The following SLC2A13 variants were observed in gnomAD, a reference collection of about 807,000 sequenced individuals.
The protein encoded by SLC2A13 is proton myo-inositol cotransporter.
Under a neutral mutation model 64.4 loss-of-function variants are expected in SLC2A13, and 32 were observed. That is an observed-to-expected ratio of 0.50 (90% CI 0.37 to 0.67). The LOEUF is 0.67. Among genes scored for constraint, SLC2A13 ranks in the 30% least tolerant of loss-of-function variants. SLC2A13 has a pLI of 0.00. For synonymous variants in SLC2A13, 338 were observed against 327.1 expected, an observed-to-expected ratio of 1.03 and a Z score of -0.36; for missense variants, 743 against 829.2, an observed-to-expected ratio of 0.90 and a Z score of 1.28.
intron 1 of SLC2A13, among the ~76,000 whole-genome samples, chr12:40,081,149 T>C (rs1045711197): frequency 2.0e-5 from 3 of 152,210 alleles, no homozygotes; most frequent in African/African-American, 2.4e-5. Context: ...TTCTTTCACA[T>C]TGACTTTGGA....
In SLC2A13 at chr12:39,755,143, T is replaced by TA. The variant is rs1470587402; in HGVS notation, c.*4882dup. The TA allele has an allele frequency of 6.6e-6, 1 of 152,010 alleles. No individual in the cohort carries two copies. The highest frequency in any genetic ancestry group is 3.2e-3 in the Middle Eastern group (1 of 316). The allele number at this position is 152,010 out of a possible 1,614,324, so 9.4% of individuals were successfully genotyped here. ...AAGATTGAACTTCAATAAAATAACT[T>TA]AAAAAACATTTACATGTATATCACT... On this transcript the variant is annotated 3_prime_UTR_variant, in exon 10 of 10. Transcript: ENST00000280871.
At chr12:39,938,511 A>G (rs377089600) in intron 4 of SLC2A13, among the ~76,000 whole-genome samples, 244 of 6,844 alleles carry the variant, frequency 0.036, 4 homozygotes, top group African/African-American at 0.074. Flanking sequence ...AGGCATAAAT[A>G]CATACATACA....
At chr12:39,862,033 C>T (rs1025785152) in intron 6 of SLC2A13, among the ~76,000 whole-genome samples, 1 of 152,172 alleles carries the variant, frequency 6.6e-6, no homozygotes, top group Non-Finnish European at 1.5e-5. Flanking sequence ...CCTTCCCCCA[C>T]CACTGCCCCC....
chr12:39,884,882 G>C (rs1483574763), intron 4 of SLC2A13, among the ~76,000 whole-genome samples: 9 of 152,186 alleles, frequency 5.9e-5, no homozygotes, highest in Admixed American at 5.2e-4. Context: ...GCTAGAGAAA[G>C]CATTTAAAAT....
intron 7 of SLC2A13, among the ~76,000 whole-genome samples, chr12:39,816,193 T>A (rs1348404573): frequency 2.0e-5 from 3 of 152,192 alleles, no homozygotes; most frequent in Non-Finnish European, 4.4e-5. Flanking sequence ...ACGCTAGTTA[T>A]GATTCTCAAA....
intron 3 of SLC2A13, among the ~76,000 whole-genome samples, chr12:39,996,672 A>G (rs984552003): frequency 6.6e-6 from 1 of 152,232 alleles, no homozygotes; most frequent in African/African-American, 2.4e-5. Flanking sequence ...AGGGGCCAAC[A>G]TAGAGTTCGG....
At chr12:39,777,902 T>C (rs532093136) in intron 7 of SLC2A13, among the ~76,000 whole-genome samples, 1 of 152,316 alleles carries the variant, frequency 6.6e-6, no homozygotes, top group South Asian at 2.1e-4. Context: ...ATCCCTAGGA[T>C]ACAGAAAGCC....
intron 7 of SLC2A13, among the ~76,000 whole-genome samples, chr12:39,767,688 T>C (rs1041675703): frequency 2.6e-5 from 4 of 152,092 alleles, no homozygotes; most frequent in Non-Finnish European, 4.4e-5. Context: ...AATCTCATTT[T>C]GAATTGTAGT....
At chr12:39,909,859 GTT>G (rs568950500) in intron 4 of SLC2A13, among the ~76,000 whole-genome samples, 4 of 132,368 alleles carry the variant, frequency 3.0e-5, no homozygotes, top group Non-Finnish European at 1.6e-5. Flanking sequence ...CTTACAGTTT[GTT>G]TTTTTTTTTT....
intron 4 of SLC2A13, among the ~76,000 whole-genome samples, chr12:39,912,435 T>C (rs912852384): frequency 3.3e-5 from 5 of 152,176 alleles, no homozygotes; most frequent in African/African-American, 1.2e-4. Flanking sequence ...TTGGCAGTTT[T>C]CAGAACCAAA....
At chr12:40,036,446 A>T (rs1380672061) in intron 2 of SLC2A13, among the ~76,000 whole-genome samples, 1 of 152,246 alleles carries the variant, frequency 6.6e-6, no homozygotes, top group Admixed American at 6.5e-5. Flanking sequence ...CCATAATTCC[A>T]GGAAGTTCTG....
rs771560968 is a variant in SLC2A13, at chr12:39,780,315, G to GAT, written c.1446-15459_1446-15458dup. Among the ~76,000 whole-genome samples, 21 of 152,122 alleles carry GAT rather than the reference G, an allele frequency of 1.4e-4. No homozygotes were observed. In the East Asian group the frequency reaches 4.1e-3, roughly 29 times the overall value. On this transcript the variant is annotated intron_variant, in intron 7 of 9. Transcript: ENST00000280871. ...TCAACATAATCATCTTACCAGTTCAGATATATATATGGAAACCTCTCTTGA... is the reference window on the plus strand; with the variant it reads ...TCAACATAATCATCTTACCAGTTCAGATATATATATATGGAAACCTCTCTTGA...
intron 4 of SLC2A13, among the ~76,000 whole-genome samples, chr12:39,896,232 A>G (rs1485997166): frequency 1.5e-5 from 2 of 134,570 alleles, no homozygotes; most frequent in Non-Finnish European, 1.6e-5. Flanking sequence ...ATATATGCAT[A>G]TGTGTATATA....
At chr12:40,018,347 G>A (rs1947654752) in intron 3 of SLC2A13, among the ~76,000 whole-genome samples, 1 of 152,080 alleles carries the variant, frequency 6.6e-6, no homozygotes, top group Non-Finnish European at 1.5e-5. Context: ...ACAACCCCTA[G>A]GATAATGCAT....
At chr12:39,769,380 G>A (rs542788154) in intron 7 of SLC2A13, among the ~76,000 whole-genome samples, 1 of 152,098 alleles carries the variant, frequency 6.6e-6, no homozygotes, top group South Asian at 2.1e-4. Context: ...TGCTTTGTAG[G>A]ACTTGATACA....
chr12:39,785,349 A>C (rs1395211565), intron 7 of SLC2A13, among the ~76,000 whole-genome samples: 2 of 152,206 alleles, frequency 1.3e-5, no homozygotes, highest in Non-Finnish European at 2.9e-5. Context: ...TGGAAGCCCT[A>C]AGCCTTGGCA....
intron 7 of SLC2A13, among the ~76,000 whole-genome samples, chr12:39,804,283 G>A (rs1941898383): frequency 1.3e-5 from 2 of 152,046 alleles, no homozygotes; most frequent in South Asian, 2.1e-4. Flanking sequence ...TAGTTATCAA[G>A]GATAAATGTC....
intron 4 of SLC2A13, among the ~76,000 whole-genome samples, chr12:39,918,936 G>GCA (rs557133110): frequency 0.044 from 6,450 of 147,028 alleles, 316 homozygotes; most frequent in East Asian, 0.16. Flanking sequence ...GGTTATACAC[G>GCA]CGCACACACA....
At chr12:39,902,160 G>T (rs7953193) in intron 4 of SLC2A13, among the ~76,000 whole-genome samples, 63,055 of 144,076 alleles carry the variant, frequency 0.44, 14,109 homozygotes, top group East Asian at 0.76. Flanking sequence ...CATGGACACA[G>T]GAATGAGAAC....
Sources: gnomAD v4.1 joint callset for allele counts (sites outside exome capture counted in the v4.1 genomes callset) on GRCh38, gnomAD v4.1.1 for gene constraint, MANE v1.5 for transcripts, NCBI Gene and HGNC (gene_info 2026-07-23, HGNC 2026-07-21) for gene names.